Variants in HMCN1 observed in about 807,000 individuals in gnomAD.
HMCN1 encodes hemicentin 1.
A neutral mutation model predicts 625.9 loss-of-function variants in HMCN1; 321 were observed. That is an observed-to-expected ratio of 0.51 (90% confidence interval 0.47 to 0.56). The LOEUF (loss-of-function observed/expected upper bound fraction) is 0.56. HMCN1 is among the 20% of genes least tolerant of loss of function. The probability of loss-of-function intolerance (pLI) is 0.00; values close to 1 mark genes in which losing one functional copy is unlikely to be tolerated. For synonymous variants in HMCN1, 2,425 were observed against 2,417.6 expected, an observed-to-expected ratio of 1.00 and a Z score of -0.09; for missense variants, 6,588 against 6,887.3, an observed-to-expected ratio of 0.96 and a Z score of 1.54.
In HMCN1 at chr1:185,799,309, G is replaced by C. The variant is rs996948725; in HGVS notation, c.269-46717G>C. Among the ~76,000 whole-genome samples the C allele has an allele frequency of 2.0e-5, 3 of 152,158 alleles. No homozygotes were observed. The East Asian group carries it at 5.8e-4, about 29-fold the overall frequency. On this transcript the variant is annotated intron_variant, in intron 1 of 106. Transcript: ENST00000271588. ...CATTTGTGTCAGCAGATTTTGTATGGAGTTGTGCAGGTCAACCTCCAGGCC... is the reference window on the plus strand; with the variant it reads ...CATTTGTGTCAGCAGATTTTGTATGCAGTTGTGCAGGTCAACCTCCAGGCC...
chr1:186,032,302 G>GA lies in HMCN1; in HGVS notation c.5750-5623dup, dbSNP rs943010192. Among the ~76,000 whole-genome samples, 46 of 150,908 alleles carry GA rather than the reference G, an allele frequency of 3.0e-4. No individual in the cohort carries two copies. In the East Asian group the frequency reaches 6.0e-3, roughly 20 times the overall value. On this transcript the variant is annotated intron_variant, in intron 36 of 106. Transcript: ENST00000271588. Reference sequence around the variant, plus strand: ...TATACAAGCAGCCAACCTAATATATGAAAAAAAAACTCGACATCATTCATC... The same window carrying GA: ...TATACAAGCAGCCAACCTAATATATGAAAAAAAAAACTCGACATCATTCATC...
intron 36 of HMCN1, among the ~76,000 whole-genome samples, chr1:186,030,527 G>GCAT (rs1160139177): frequency 1.3e-5 from 2 of 151,710 alleles, no homozygotes; most frequent in African/African-American, 4.8e-5. Flanking sequence ...ATTACTGTTT[G>GCAT]CATCATATAT....
At chr1:186,175,227 C>T (rs1652486732) in intron 103 of HMCN1, among the ~76,000 whole-genome samples, 1 of 152,202 alleles carries the variant, frequency 6.6e-6, no homozygotes, top group Non-Finnish European at 1.5e-5. Context: ...TAACCACATA[C>T]TTTTGGTAAA....
chr1:185,828,276 A>T (rs1369550485), intron 1 of HMCN1, among the ~76,000 whole-genome samples: 1 of 152,172 alleles, frequency 6.6e-6, no homozygotes, highest in Non-Finnish European at 1.5e-5. Context: ...AGAAAGTGGA[A>T]GCATAGTAAA....
chr1:185,858,421 T>C (rs1036125985), intron 2 of HMCN1, among the ~76,000 whole-genome samples: 25 of 151,194 alleles, frequency 1.7e-4, no homozygotes, highest in African/African-American at 6.1e-4. Flanking sequence ...AGGATTTATT[T>C]TATTTATTTA....
At position 185,909,330 on chromosome 1, in the gene HMCN1, C is replaced by T; in HGVS notation, c.622-7C>T. The T allele has an allele frequency of 1.9e-6, 3 of 1,605,198 alleles. No homozygotes were observed. The highest frequency in any genetic ancestry group is 2.2e-5 in the East Asian group (1 of 44,800). On this transcript the variant is annotated splice_polypyrimidine_tract_variant and splice_region_variant and intron_variant, in intron 4 of 106. Coordinates refer to ENST00000271588, the MANE Select transcript of HMCN1 (RefSeq NM_031935.3). ...ATATCACTTACACTTCTCTTTCTCT[C>T]TTATAGGTATTAAAATGGGTAGAAG...
Position 186,129,147 on chromosome 1 carries a change from G to A in HMCN1, c.12905-819G>A, listed in dbSNP as rs565240871. 5.9e-5 allele frequency among the ~76,000 whole-genome samples: 9 copies of A among 151,638 alleles called. No homozygotes were observed. In the South Asian group the frequency reaches 1.7e-3, roughly 28 times the overall value. ...TAATGTTTTCTGAAAGTGCAGTAATGTAAATGTACTTTTAAAGCTTAATTT... is the reference window on the plus strand; with the variant it reads ...TAATGTTTTCTGAAAGTGCAGTAATATAAATGTACTTTTAAAGCTTAATTT... On this transcript the variant is annotated intron_variant, in intron 83 of 106. Transcript: ENST00000271588.
At chr1:185,982,511 G>T in intron 18 of HMCN1, 122 bp downstream of exon 18, 1 of 884,218 alleles carries the variant, frequency 1.1e-6, no homozygotes, top group South Asian at 1.5e-5. Context: ...TGGGATCTAG[G>T]CTCACCGCAA....
intron 1 of HMCN1, among the ~76,000 whole-genome samples, chr1:185,799,710 A>G (rs894983125): frequency 3.3e-5 from 5 of 152,192 alleles, no homozygotes; most frequent in African/African-American, 1.2e-4. Context: ...CTCCCACCCA[A>G]GCACCATGCA....
At chr1:185,789,178 C>T (rs1296339878) in intron 1 of HMCN1, among the ~76,000 whole-genome samples, 9 of 152,068 alleles carry the variant, frequency 5.9e-5, no homozygotes, top group Admixed American at 3.3e-4. Context: ...TAATGTGACT[C>T]GACAGACATC....
At chr1:185,947,806 G>T (rs374737955) in intron 11 of HMCN1, among the ~76,000 whole-genome samples, 19 of 152,266 alleles carry the variant, frequency 1.2e-4, no homozygotes, top group African/African-American at 4.6e-4. Context: ...TGCCATTTAC[G>T]CTAGTTGAAA....
chr1:186,069,572 G>A (rs1658357459), intron 50 of HMCN1, 91 bp from the exon 51 acceptor site: 5 of 785,486 alleles, frequency 6.4e-6, no homozygotes, highest in Non-Finnish European at 8.9e-6. Flanking sequence ...AAAGAAATAT[G>A]TTAACAAGAA....
chr1:186,126,715 C>CAAAG (rs1369834699), intron 82 of HMCN1, among the ~76,000 whole-genome samples: 1 of 152,106 alleles, frequency 6.6e-6, no homozygotes, highest in Non-Finnish European at 1.5e-5. Context: ...GAAAGCAAAG[C>CAAAG]AAAGAATGAA....
chr1:185,928,691 A>C, intron 10 of HMCN1, 24 bp downstream of exon 10: 1 of 1,611,652 alleles, frequency 6.2e-7, no homozygotes, highest in Non-Finnish European at 8.5e-7. Context: ...ATTTCTTTGC[A>C]GTTGCCCAAG....
intron 10 of HMCN1, among the ~76,000 whole-genome samples, chr1:185,933,116 C>T (rs1033020799): frequency 2.6e-5 from 4 of 152,066 alleles, no homozygotes; most frequent in Non-Finnish European, 4.4e-5. Flanking sequence ...CTGTAACCCC[C>T]CTTAAAGATG....
intron 6 of HMCN1, among the ~76,000 whole-genome samples, chr1:185,912,376 T>G (rs925187931): frequency 9.2e-5 from 14 of 152,192 alleles, no homozygotes; most frequent in African/African-American, 3.4e-4. Flanking sequence ...CATTTTCTTC[T>G]TTAGCACAAC....
chr1:185,738,401 G>C (rs114066805), intron 1 of HMCN1, among the ~76,000 whole-genome samples: 1 of 152,156 alleles, frequency 6.6e-6, no homozygotes, highest in Non-Finnish European at 1.5e-5. Flanking sequence ...TACAAGTAGA[G>C]TCATATTCTA....
At chr1:185,898,161 T>TA (rs1275918105) in intron 4 of HMCN1, among the ~76,000 whole-genome samples, 4 of 152,134 alleles carry the variant, frequency 2.6e-5, no homozygotes, top group African/African-American at 9.7e-5. Context: ...ATGGGCGTAA[T>TA]ACAGAGAACA....
chr1:186,081,212 C>T lies in HMCN1; in HGVS notation c.8605C>T (p.Pro2869Ser). The T allele has an allele frequency of 6.2e-7, 1 of 1,613,370 alleles. No homozygotes were observed. The highest frequency in any genetic ancestry group is 1.7e-4 in the Middle Eastern group (1 of 6,050). ...LQYDVRVLVP[P>S]IIKGANSDLP... ...TTGTTGCAATCCTTTGTTAGTGCCG[C>T]CAATTATCAAGGGAGCAAATAGTGA... is the stretch of plus-strand genomic sequence containing the variant. The change falls in exon 56 of 107, where the codon CCA becomes TCA. Residue 2869 changes from proline to serine, a missense_variant. Around this residue, in one of 3 missense-constraint regions of HMCN1, gnomAD observed 4,628 missense variants for 4,853.1 expected, o/e 0.95. Coordinates refer to ENST00000271588, the MANE Select transcript of HMCN1 (RefSeq NM_031935.3).
Sources: gnomAD v4.1 joint callset for allele counts (sites outside exome capture counted in the v4.1 genomes callset) on GRCh38, gnomAD v4.1.1 for gene constraint, gnomAD v4.1.1 regional missense constraint, MANE v1.5 for transcripts, NCBI Gene and HGNC (gene_info 2026-07-23, HGNC 2026-07-21) for gene names.